Variants in KANK4 observed in about 807,000 individuals in gnomAD.
KANK4 encodes the protein KN motif and ankyrin repeat domains 4.
Under a neutral mutation model 80.8 loss-of-function variants are expected in KANK4, and 50 were observed. That is an observed-to-expected ratio of 0.62 (90% CI 0.49 to 0.78). The LOEUF (loss-of-function observed/expected upper bound fraction) is 0.78, where lower values mean the gene tolerates loss of function less well. Ranked by LOEUF, KANK4 falls within the 30% of genes least tolerant of loss-of-function variation. The probability of loss-of-function intolerance (pLI) is 0.00; values close to 1 mark genes in which losing one functional copy is unlikely to be tolerated. For synonymous variants in KANK4, 465 were observed against 506.9 expected (o/e 0.92, Z 1.11); for missense variants, 1,196 against 1,240.1 (o/e 0.96, Z 0.53).
At chr1:62,240,630 T>C (rs1270378351) in intron 9 of KANK4, among the ~76,000 whole-genome samples, 2 of 151,988 alleles carry the variant, frequency 1.3e-5, no homozygotes, top group African/African-American at 4.8e-5. Flanking sequence ...GATTGCGCCA[T>C]TGCACTCCAG....
chr1:62,282,492 T>C (rs1322213553), intron 1 of KANK4, among the ~76,000 whole-genome samples: 1 of 151,972 alleles, frequency 6.6e-6, no homozygotes, highest in East Asian at 1.9e-4. Flanking sequence ...TGCTTGACAA[T>C]GAACTCCAGA....
At chr1:62,239,198 G>A (rs1671281660) in intron 9 of KANK4, among the ~76,000 whole-genome samples, 1 of 151,886 alleles carries the variant, frequency 6.6e-6, no homozygotes, top group South Asian at 2.1e-4. Context: ...TTGCAATCCT[G>A]TCCTGTCCTG....
chr1:62,240,212 T>G (rs2149112076), intron 9 of KANK4, among the ~76,000 whole-genome samples: 1 of 152,376 alleles, frequency 6.6e-6, no homozygotes, highest in East Asian at 1.9e-4. Flanking sequence ...CCATTCTAAC[T>G]GGTGTAAGAT....
chr1:62,296,325 G>A (rs1467073681), intron 1 of KANK4, among the ~76,000 whole-genome samples: 1 of 151,928 alleles, frequency 6.6e-6, no homozygotes, highest in African/African-American at 2.4e-5. Context: ...CACCTCCCCC[G>A]CCTCTGGCAT....
intron 1 of KANK4, among the ~76,000 whole-genome samples, chr1:62,285,030 A>T (rs1672534383): frequency 1.3e-5 from 2 of 152,264 alleles, no homozygotes; most frequent in South Asian, 2.1e-4. Context: ...GGAATCAGCT[A>T]CTGGGTATAC....
intron 1 of KANK4, among the ~76,000 whole-genome samples, chr1:62,316,015 T>A (rs1644537380): frequency 6.6e-6 from 1 of 152,208 alleles, no homozygotes; most frequent in African/African-American, 2.4e-5. Flanking sequence ...CCCAATCTGC[T>A]AAGAAAGGGG....
In KANK4 at chr1:62,246,669, C is replaced by T. The variant is rs546890748; in HGVS notation, c.2883+803G>A. 7.2e-5 allele frequency among the ~76,000 whole-genome samples: 11 copies of T among 152,264 alleles called. No individual in the cohort carries two copies. In the East Asian group the frequency reaches 1.2e-3, roughly 16 times the overall value. On this transcript the variant is annotated intron_variant, in intron 9 of 9. Transcript: ENST00000371153. ...CTGGAGTGCAGTGGCCTGACCATGG[C>T]TCACTGCAACCTCAACCTTCTGGGC...
At chr1:62,250,144 C>T (rs1671578219) in intron 8 of KANK4, among the ~76,000 whole-genome samples, 1 of 152,048 alleles carries the variant, frequency 6.6e-6, no homozygotes, top group Admixed American at 6.6e-5. Flanking sequence ...TGCATCACCA[C>T]ACCCGGCTAT....
intron 1 of KANK4, among the ~76,000 whole-genome samples, chr1:62,282,247 T>A (rs971965368): frequency 2.6e-5 from 4 of 152,150 alleles, no homozygotes; most frequent in African/African-American, 9.7e-5. Context: ...TCAAGCAGAA[T>A]ATTGCCCTGG....
At chr1:62,282,032 A>G (rs1672462356) in intron 1 of KANK4, among the ~76,000 whole-genome samples, 1 of 152,112 alleles carries the variant, frequency 6.6e-6, no homozygotes, top group African/African-American at 2.4e-5. Flanking sequence ...ACCTATCCCC[A>G]TCCTGGGAAG....
chr1:62,269,578 T>C (rs1672110207), intron 4 of KANK4, among the ~76,000 whole-genome samples: 2 of 152,354 alleles, frequency 1.3e-5, no homozygotes, highest in African/African-American at 4.8e-5. Context: ...AGTGCTCATC[T>C]TGGAACTGCT....
chr1:62,309,032 G>A (rs1571052857), intron 1 of KANK4, among the ~76,000 whole-genome samples: 1 of 152,302 alleles, frequency 6.6e-6, no homozygotes, highest in East Asian at 1.9e-4. Flanking sequence ...AGGTGTTTTA[G>A]CCTGTCTGGG....
intron 2 of KANK4, among the ~76,000 whole-genome samples, chr1:62,279,534 A>C (rs2765251): frequency 0.76 from 115,188 of 152,156 alleles, 44,117 homozygotes; most frequent in African/African-American, 0.86. Context: ...GATTTGAATC[A>C]TGGCTGTCAT....
chr1:62,292,400 T>A (rs1478489712), intron 1 of KANK4, among the ~76,000 whole-genome samples: 1 of 152,112 alleles, frequency 6.6e-6, no homozygotes, highest in African/African-American at 2.4e-5. Context: ...CCTTCAAGGT[T>A]TTATGTCTGC....
At chr1:62,293,915 C>T (rs907066859) in intron 1 of KANK4, among the ~76,000 whole-genome samples, 2 of 152,122 alleles carry the variant, frequency 1.3e-5, no homozygotes, top group African/African-American at 2.4e-5. Context: ...GAGATGGTGG[C>T]GTGATGTTCA....
chr1:62,279,064 A>G (rs1453010257), intron 2 of KANK4, among the ~76,000 whole-genome samples: 1 of 152,232 alleles, frequency 6.6e-6, no homozygotes, highest in Non-Finnish European at 1.5e-5. Flanking sequence ...ATACAATCAT[A>G]GCATAAAATA....
intron 1 of KANK4, among the ~76,000 whole-genome samples, chr1:62,285,389 C>T (rs1221438556): frequency 6.6e-6 from 1 of 152,204 alleles, no homozygotes; most frequent in Non-Finnish European, 1.5e-5. Flanking sequence ...AGCCCAACTC[C>T]TGCAGCATTT....
intron 9 of KANK4, among the ~76,000 whole-genome samples, chr1:62,242,203 G>GA (rs1671358128): frequency 6.6e-6 from 1 of 151,828 alleles, no homozygotes; most frequent in Non-Finnish European, 1.5e-5. Context: ...AGGGATTCAA[G>GA]AATCTGCACT....
At chr1:62,307,988 C>T (rs1224107529) in intron 1 of KANK4, among the ~76,000 whole-genome samples, 1 of 152,136 alleles carries the variant, frequency 6.6e-6, no homozygotes, top group Non-Finnish European at 1.5e-5. Flanking sequence ...ACTCACACCT[C>T]ACCCCCTGCC....
Sources: allele counts gnomAD v4.1 joint callset (sites outside exome capture counted in the v4.1 genomes callset), GRCh38; gene constraint gnomAD v4.1.1; transcripts MANE v1.5; gene names NCBI Gene and HGNC (gene_info 2026-07-23, HGNC 2026-07-21).